The following EME2 variants were observed in gnomAD, a reference collection of about 807,000 sequenced individuals.
The protein encoded by EME2 is essential meiotic structure-specific endonuclease subunit 2, also known as structure-specific endonuclease subunit EME2.
EME2 carries 58 observed loss-of-function variants against 41.9 expected under a neutral mutation model. The observed-to-expected ratio is 1.38, with a 90% CI of 1.12 to 1.72. The LOEUF (loss-of-function observed/expected upper bound fraction) is 1.72, where lower values mean the gene tolerates loss of function less well. Ranked by LOEUF, EME2 falls within the 40% of genes most tolerant of loss-of-function variation. EME2 has a pLI of 0.00. For missense variants in EME2, 695 were observed against 541.9 expected (o/e 1.28, Z -2.81); for synonymous variants, 334 against 239.3 (o/e 1.40, Z -3.65).
rs1896686023 is a variant in EME2 at position 1,780,992 on chromosome 16, C to T, written c.*4754C>T. ...AAGTGGTCCTCCAGCTTCAGCCTCC[C>T]AAAGTGCTAGGATTATAGGTGTGAG... is the stretch of plus-strand genomic sequence containing the variant. On this transcript the variant is annotated 3_prime_UTR_variant, in exon 8 of 8. Coordinates refer to ENST00000568449, the MANE Select transcript of EME2 (RefSeq NM_001257370.2). 1 of 422,940 alleles carries T rather than the reference C, an allele frequency of 2.4e-6. No individual in the cohort carries two copies. The highest frequency in any genetic ancestry group is 4.1e-6 in the Non-Finnish European group (1 of 240,988). The allele number at this position is 422,940 out of a possible 1,614,324, so 26.2% of individuals were successfully genotyped here.
rs2042719532 is a variant in EME2, at chr16:1,776,795, G to C, written c.*557G>C. 2.0e-6 allele frequency: 1 copy of C among 487,828 alleles called. No homozygotes were observed. Among genetic ancestry groups the C allele is most frequent in the Admixed American group, 3.8e-5 (1 of 26,638 alleles). The allele number at this position is 487,828 out of a possible 1,614,324, so 30.2% of individuals were successfully genotyped here. On this transcript the variant is annotated 3_prime_UTR_variant, in exon 8 of 8. Transcript: ENST00000568449. ...CAGCCGCTGACAGCATGCAGAGCAA[G>C]TTAGGAAAAACCGAGGCCCTGTGGG...
Position 1,773,778 on chromosome 16 carries a change from G to C in EME2, c.321G>C (p.Glu107Asp), listed in dbSNP as rs1480959344. 1 of 1,551,900 alleles carries C rather than the reference G, an allele frequency of 6.4e-7. No homozygotes were observed. The highest frequency in any genetic ancestry group is 8.7e-7 in the Non-Finnish European group (1 of 1,149,424). ...CCCTGGGCTGCGAGTGCCGCATCGAGCCCCAGCGCCCGGCCCGCAGCCTGC... is the reference window on the plus strand; with the variant it reads ...CCCTGGGCTGCGAGTGCCGCATCGACCCCCAGCGCCCGGCCCGCAGCCTGC... ...LEALGCECRIEPQRPARSLRW... is the reference protein window; with the variant it reads ...LEALGCECRIDPQRPARSLRW... The change falls in exon 2 of 8, where the codon GAG (glutamate) becomes GAC (aspartate). Residue 107 changes from glutamate to aspartate, a missense_variant. By Grantham distance (45) the Glu-to-Asp change is conservative. Transcript: ENST00000568449.
chr16:1,781,216 A>G lies in EME2; in HGVS notation c.*4978A>G, dbSNP rs1896695271. The G allele has an allele frequency of 6.3e-7, 1 of 1,575,376 alleles. No homozygotes were observed. The highest frequency in any genetic ancestry group is 8.6e-7 in the Non-Finnish European group (1 of 1,167,222). On this transcript the variant is annotated 3_prime_UTR_variant, in exon 8 of 8. Transcript: ENST00000568449. ...ACTGAATGCGGTGCATCCAGGAGAC[A>G]GGCCCAGGTTTGGACTGGTCCTCTA...
Position 1,778,007 on chromosome 16 carries a change from G to GT in EME2, c.*1770dup, listed in dbSNP as rs1275641106. 1 of 1,613,266 alleles carries GT rather than the reference G, an allele frequency of 6.2e-7. No homozygotes were observed. The highest frequency in any genetic ancestry group is 8.5e-7 in the Non-Finnish European group (1 of 1,179,998). On this transcript the variant is annotated 3_prime_UTR_variant, in exon 8 of 8. Transcript: ENST00000568449. Reference sequence around the variant, plus strand: ...CCAGCAGGCTGCAGAACGTGTGGCGGTATTTGTCCAGGTCCACATCCGACG... The same window carrying GT: ...CCAGCAGGCTGCAGAACGTGTGGCGGTTATTTGTCCAGGTCCACATCCGACG...
Position 1,781,420 on chromosome 16 carries a change from C to T in EME2, c.*5182C>T, listed in dbSNP as rs756665663. On this transcript the variant is annotated 3_prime_UTR_variant, in exon 8 of 8. Transcript: ENST00000568449. ...GCTAGAGCCACGGCCCGGGCATCTG[C>T]GTCTCGGCGGGCTGCACTCAGGACG... The T allele has an allele frequency of 5.6e-6, 9 of 1,612,712 alleles. No individual in the cohort carries two copies. The highest frequency in any genetic ancestry group is 5.5e-5 in the South Asian group (5 of 91,082).
intron 3 of EME2, 142 bp downstream of exon 3, chr16:1,774,494 G>C: frequency 1.5e-6 from 1 of 668,170 alleles, no homozygotes; most frequent in Non-Finnish European, 2.6e-6. Flanking sequence ...CTGATCCAAA[G>C]CCGTAGAGGT....
chr16:1,773,756 T>C lies in EME2; in HGVS notation c.299T>C (p.Leu100Pro), dbSNP rs2042667841. 1.3e-6 allele frequency: 2 copies of C among 1,550,184 alleles called. No homozygotes were observed. Among genetic ancestry groups the C allele is most frequent in the Non-Finnish European group, 1.7e-6 (2 of 1,148,042 alleles). The change falls in exon 2 of 8, where the codon CTG becomes CCG. Residue 100 changes from leucine to proline, a missense_variant. Transcript: ENST00000568449. ...GTCCTGATGGAGGCCCTGGAGGCCC[T>C]GGGCTGCGAGTGCCGCATCGAGCCC... ...ADVLMEALEA[L>P]GCECRIEPQR...
chr16:1,773,881 G>A, intron 2 of EME2, 40 bp downstream of exon 2: 1 of 1,507,392 alleles, frequency 6.6e-7, no homozygotes, highest in Non-Finnish European at 8.8e-7. Context: ...CCGCGAGTTG[G>A]CTGTTTTGCT....
At position 1,772,964 on chromosome 16, in the gene EME2, G is replaced by A; in HGVS notation, c.-264G>A. 1 of 1,449,390 alleles carries A rather than the reference G, an allele frequency of 6.9e-7. No individual in the cohort carries two copies. The highest frequency in any genetic ancestry group is 1.4e-5 in the South Asian group (1 of 70,792). 89.8% of individuals were successfully genotyped at this position (1,449,390 alleles called of 1,614,324 possible). A position where few individuals can be genotyped will look rare whatever the true frequency, so the allele number is the denominator to read the frequency against. The stretch of plus-strand genomic sequence containing the variant: ...CGCGGCGCACGTCGGCCCAGGCCCG[G>A]ACCGGCAGCCGGCGTCCAGAGAACG... On this transcript the variant is annotated 5_prime_UTR_variant, in exon 1 of 8. Transcript: ENST00000568449.
Position 1,777,427 on chromosome 16 carries a change from C to G in EME2, c.*1189C>G. ...TCGGGTAGAATCTCTTGTTCTGCAG[C>G]TTGGTGGCTGCCACACCTGGAAGGG... is the stretch of plus-strand genomic sequence containing the variant. On this transcript the variant is annotated 3_prime_UTR_variant, in exon 8 of 8. Transcript: ENST00000568449. 3.3e-6 allele frequency: 5 copies of G among 1,531,414 alleles called. No individual in the cohort carries two copies. The highest frequency in any genetic ancestry group is 4.4e-6 in the Non-Finnish European group (5 of 1,141,270). The allele number at this position is 1,531,414 out of a possible 1,614,324, so 94.9% of individuals were successfully genotyped here.
rs752570163 is a variant in EME2 at position 1,778,325 on chromosome 16, C to T, written c.*2087C>T. ...TCATCCCAGACCCAGTCGAAATCTG[C>T]AAGAGAGGCCCAGGCTGGGGCAGCC... On this transcript the variant is annotated 3_prime_UTR_variant, in exon 8 of 8. Coordinates refer to ENST00000568449, the MANE Select transcript of EME2 (RefSeq NM_001257370.2). The T allele has an allele frequency of 1.2e-5, 19 of 1,611,930 alleles. No homozygotes were observed. The Admixed American group carries it at 2.8e-4, about 24-fold the overall frequency.
Position 1,772,821 on chromosome 16 carries a change from A to C in EME2, c.-407A>C. The C allele has an allele frequency of 6.9e-7, 1 of 1,445,486 alleles. No individual in the cohort carries two copies. The highest frequency in any genetic ancestry group is 1.4e-5 in the South Asian group (1 of 69,672). The allele number at this position is 1,445,486 out of a possible 1,614,324, so 89.5% of individuals were successfully genotyped here. A position where few individuals can be genotyped will look rare whatever the true frequency, so the allele number is the denominator to read the frequency against. On this transcript the variant is annotated 5_prime_UTR_variant, in exon 1 of 8. Coordinates refer to ENST00000568449, the MANE Select transcript of EME2 (RefSeq NM_001257370.2). ...CACCTGCGCCGTGTAGTCGGGCCGC[A>C]CCCGCGTGAGGCGCCAGTAGCACGG...
Position 1,772,940 on chromosome 16 carries a change from G to T in EME2, c.-288G>T. On this transcript the variant is annotated 5_prime_UTR_variant, in exon 1 of 8. Coordinates refer to ENST00000568449, the MANE Select transcript of EME2 (RefSeq NM_001257370.2). Reference sequence around the variant, plus strand: ...CGAGCAGCTGCAAGAGGCGGCTCTCGCGGCGCACGTCGGCCCAGGCCCGGA... The same window carrying T: ...CGAGCAGCTGCAAGAGGCGGCTCTCTCGGCGCACGTCGGCCCAGGCCCGGA... 6.9e-7 allele frequency: 1 copy of T among 1,447,312 alleles called. No homozygotes were observed. 89.7% of individuals were successfully genotyped at this position (1,447,312 alleles called of 1,614,324 possible). A position where few individuals can be genotyped will look rare whatever the true frequency, so the allele number is the denominator to read the frequency against.
Position 1,773,759 on chromosome 16 carries a change from G to C in EME2, c.302G>C (p.Gly101Ala). The change falls in exon 2 of 8, where the codon GGC becomes GCC. Residue 101 changes from glycine (G) to alanine (A), a missense_variant. Coordinates refer to ENST00000568449, the MANE Select transcript of EME2 (RefSeq NM_001257370.2). ...DVLMEALEAL[G>A]CECRIEPQRP... ...CTGATGGAGGCCCTGGAGGCCCTGG[G>C]CTGCGAGTGCCGCATCGAGCCCCAG... The C allele has an allele frequency of 6.5e-7, 1 of 1,550,382 alleles. No homozygotes were observed. The highest frequency in any genetic ancestry group is 2.4e-5 in the East Asian group (1 of 41,142).
chr16:1,777,888 G>T lies in EME2; in HGVS notation c.*1650G>T. 2 of 1,611,948 alleles carry T rather than the reference G, an allele frequency of 1.2e-6. No individual in the cohort carries two copies. The highest frequency in any genetic ancestry group is 1.7e-6 in the Non-Finnish European group (2 of 1,179,652). On this transcript the variant is annotated 3_prime_UTR_variant, in exon 8 of 8. Coordinates refer to ENST00000568449, the MANE Select transcript of EME2 (RefSeq NM_001257370.2). The stretch of plus-strand genomic sequence containing the variant: ...TGGAGGAGGCCTGGGGGCAGCCAGG[G>T]TCGCAGTGAGCCCGGGAGCTCCAGG...
rs551097746 is a variant in EME2, at chr16:1,780,659, A to C, written c.*4421A>C. ...GAGTATGCGTTTGTACTGGCAGAAG[A>C]AGCGTCTGGTAAGACAACCAGCAAG... On this transcript the variant is annotated 3_prime_UTR_variant, in exon 8 of 8. Coordinates refer to ENST00000568449, the MANE Select transcript of EME2 (RefSeq NM_001257370.2). The C allele has an allele frequency of 2.2e-4, 35 of 160,554 alleles. No individual in the cohort carries two copies. The highest frequency in any genetic ancestry group is 4.3e-4 in the Non-Finnish European group (31 of 72,388). 9.9% of individuals were successfully genotyped at this position (160,554 alleles called of 1,614,324 possible). A position where few individuals can be genotyped will look rare whatever the true frequency, so the allele number is the denominator to read the frequency against.
rs1186872885 is a variant in EME2 at position 1,776,481 on chromosome 16, CA to C, written c.*244del. On this transcript the variant is annotated 3_prime_UTR_variant, in exon 8 of 8. Coordinates refer to ENST00000568449, the MANE Select transcript of EME2 (RefSeq NM_001257370.2). ...TGCTGAGTCCTGAACACGTAGGCCC[CA>C]GGGGAGGCCTCAGCAGCAGGGCTGT... 1 of 413,744 alleles carries C rather than the reference CA, an allele frequency of 2.4e-6. No individual in the cohort carries two copies. The highest frequency in any genetic ancestry group is 4.1e-6 in the Non-Finnish European group (1 of 241,354). 25.6% of individuals were successfully genotyped at this position (413,744 alleles called of 1,614,324 possible). A position where few individuals can be genotyped will look rare whatever the true frequency, so the allele number is the denominator to read the frequency against.
chr16:1,774,822 A>G (rs867536530), intron 3 of EME2: 1 of 615,080 alleles, frequency 1.6e-6, no homozygotes, highest in Non-Finnish European at 2.9e-6. Context: ...TGGAACTGAC[A>G]TGTGCCCGAG....
rs1167581741 is a variant in EME2, at chr16:1,781,498, A to G, written c.*5260A>G. ...CGTCTGGCCATGGTGGAAAGAATCT[A>G]GAAGAAAACACAGGCTCTGGGCAAA... On this transcript the variant is annotated 3_prime_UTR_variant, in exon 8 of 8. Transcript: ENST00000568449. The G allele has an allele frequency of 6.2e-6, 10 of 1,610,646 alleles. No homozygotes were observed. The South Asian group carries it at 9.9e-5, about 16-fold the overall frequency.
Sources: gnomAD v4.1 joint callset for allele counts on GRCh38, gnomAD v4.1.1 for gene constraint, MANE v1.5 for transcripts, NCBI Gene and HGNC (gene_info 2026-07-23, HGNC 2026-07-21) for gene names.